Variants in ADAM28 observed in about 807,000 individuals in gnomAD.
ADAM28 encodes the protein disintegrin and metalloproteinase domain-containing protein 28.
In ADAM28, 105 loss-of-function variants were observed where a neutral mutation model predicts 101.2. The ratio of observed to expected loss-of-function variants is 1.04; its 90% CI spans 0.89 to 1.22. The LOEUF (loss-of-function observed/expected upper bound fraction) is 1.22, where lower values mean the gene tolerates loss of function less well. ADAM28 is among the 50% of genes most tolerant of loss of function. ADAM28 has a pLI of 0.00. For missense variants in ADAM28, 1,028 were observed against 945.4 expected (o/e 1.09, Z -1.15); for synonymous variants, 322 against 310.6 (o/e 1.04, Z -0.39).
chr8:24,355,643 G>A lies in ADAM28; in HGVS notation c.*1239G>A, dbSNP rs954416482. 7.8e-6 allele frequency: 1 copy of A among 128,532 alleles called. No individual in the cohort carries two copies. Among genetic ancestry groups the A allele is most frequent in the Non-Finnish European group, 1.6e-5 (1 of 60,802 alleles). The allele number at this position is 128,532 out of a possible 1,614,324, so 8.0% of individuals were successfully genotyped here. On this transcript the variant is annotated 3_prime_UTR_variant, in exon 23 of 23. Coordinates refer to ENST00000265769, the MANE Select transcript of ADAM28 (RefSeq NM_014265.6). ...AGCTGGTACTGCTGCGCTCCACACG[G>A]TGATTATGAAGGCTGAAAAAGATAG... is the stretch of plus-strand genomic sequence containing the variant.
At chr8:24,325,641 T>C (rs906625514) in intron 9 of ADAM28, among the ~76,000 whole-genome samples, 2 of 151,630 alleles carry the variant, frequency 1.3e-5, no homozygotes, top group African/African-American at 4.8e-5. Context: ...TCAAAATAAA[T>C]ATCTGAAATC....
chr8:24,298,302 C>G (rs1259275396), intron 1 of ADAM28, among the ~76,000 whole-genome samples: 1 of 152,078 alleles, frequency 6.6e-6, no homozygotes, highest in African/African-American at 2.4e-5. Flanking sequence ...TACTTTAACA[C>G]CCCATTTTTG....
chr8:24,341,892 G>C, intron 16 of ADAM28, 135 bp downstream of exon 16: 1 of 1,047,144 alleles, frequency 9.5e-7, no homozygotes, highest in Non-Finnish European at 1.4e-6. Flanking sequence ...AGAACCCACA[G>C]AGTTTGAATT....
At chr8:24,350,161 T>C (rs28591402) in intron 19 of ADAM28, among the ~76,000 whole-genome samples, 189 bp downstream of exon 19, 13,425 of 152,184 alleles carry the variant, frequency 0.088, 805 homozygotes, top group African/African-American at 0.15. Flanking sequence ...CATCTAGAAA[T>C]GTTTTTTGTT....
chr8:24,334,508 TAGAC>T (rs1813758677), intron 13 of ADAM28, among the ~76,000 whole-genome samples: 2 of 152,258 alleles, frequency 1.3e-5, no homozygotes, highest in Non-Finnish European at 2.9e-5. Context: ...AAAAAGATTT[TAGAC>T]AGAAGAGATT....
At chr8:24,312,782 G>A (rs1456277715) in intron 5 of ADAM28, among the ~76,000 whole-genome samples, 1 of 152,014 alleles carries the variant, frequency 6.6e-6, no homozygotes, top group African/African-American at 2.4e-5. Context: ...TGAATAATGG[G>A]TACTCAATGA....
chr8:24,317,070 G>T (rs1811249808), intron 6 of ADAM28, among the ~76,000 whole-genome samples: 2 of 151,828 alleles, frequency 1.3e-5, no homozygotes, highest in African/African-American at 4.8e-5. Context: ...GCAAATAAAT[G>T]AATATCCCAT....
intron 2 of ADAM28, among the ~76,000 whole-genome samples, chr8:24,306,059 TAA>T (rs1809564001): frequency 6.6e-6 from 1 of 151,980 alleles, no homozygotes; most frequent in Admixed American, 6.6e-5. Flanking sequence ...AGACAAACAG[TAA>T]AACTTTTTTG....
At chr8:24,294,671 G>GT (rs1437912511) in intron 1 of ADAM28, among the ~76,000 whole-genome samples, 1 of 152,044 alleles carries the variant, frequency 6.6e-6, no homozygotes, top group East Asian at 1.9e-4. Flanking sequence ...CTCATTATTA[G>GT]TAATAATACG....
intron 10 of ADAM28, 142 bp downstream of exon 10, chr8:24,326,777 C>G: frequency 2.8e-6 from 2 of 707,828 alleles, no homozygotes; most frequent in Non-Finnish European, 4.4e-6. Flanking sequence ...AAATGTTGAA[C>G]TAATTTTGCA....
chr8:24,307,448 T>C (rs1809848714), intron 2 of ADAM28, among the ~76,000 whole-genome samples: 1 of 152,206 alleles, frequency 6.6e-6, no homozygotes, highest in Admixed American at 6.5e-5. Flanking sequence ...TCAGCTAGAC[T>C]GAAATAATCC....
chr8:24,351,962 T>G (rs1274843802), intron 20 of ADAM28, 25 bp from the exon 21 acceptor site: 1 of 1,612,422 alleles, frequency 6.2e-7, no homozygotes. Context: ...ATGGTTCATT[T>G]TGAAATATTC....
intron 6 of ADAM28, 67 bp downstream of exon 6, chr8:24,313,647 G>A: frequency 3.4e-6 from 5 of 1,492,466 alleles, no homozygotes; most frequent in Non-Finnish European, 4.6e-6. Flanking sequence ...AATTAGCAGT[G>A]CAATTTACTG....
At chr8:24,315,665 C>T (rs1488390499) in intron 6 of ADAM28, among the ~76,000 whole-genome samples, 5 of 151,766 alleles carry the variant, frequency 3.3e-5, no homozygotes, top group Non-Finnish European at 5.9e-5. Flanking sequence ...GTTACAAGCC[C>T]AGCATTACCT....
At position 24,353,838 on chromosome 8, in the gene ADAM28, A is replaced by T. The variant is rs199739528; in HGVS notation, c.2307+6A>T. 13 of 1,498,594 alleles carry T rather than the reference A, an allele frequency of 8.7e-6. No homozygotes were observed. The highest frequency in any genetic ancestry group is 1.7e-4 in the Middle Eastern group (1 of 5,832). The allele number at this position is 1,498,594 out of a possible 1,614,324, so 92.8% of individuals were successfully genotyped here. On this transcript the variant is annotated splice_donor_region_variant and intron_variant, in intron 22 of 22. Coordinates refer to ENST00000265769, the MANE Select transcript of ADAM28 (RefSeq NM_014265.6). ...ATCCAGTGTCTACACCTAAGGTAAG[A>T]GATCTATAGCCAAATTATTATATTC...
intron 1 of ADAM28, among the ~76,000 whole-genome samples, chr8:24,295,247 AAT>A (rs1255973434): frequency 2.6e-5 from 4 of 152,128 alleles, no homozygotes; most frequent in Non-Finnish European, 4.4e-5. Context: ...TGCTTTATAT[AAT>A]ATGTACCTAT....
At chr8:24,329,855 GTGTGTGTGTGTGTT>G (rs1813104811) in intron 10 of ADAM28, 116 bp from the exon 11 acceptor site, 2 of 880,202 alleles carry the variant, frequency 2.3e-6, no homozygotes, top group African/African-American at 1.8e-5. Context: ...CTCTGTGTGT[GTGTGTGTGTGTGTT>G]TGTGTGTGTG....
intron 13 of ADAM28, among the ~76,000 whole-genome samples, chr8:24,334,262 A>G (rs890458220): frequency 3.3e-5 from 5 of 152,130 alleles, no homozygotes; most frequent in Admixed American, 6.5e-5. Context: ...GTCTCACTTG[A>G]TTTTCACAAT....
At chr8:24,319,087 C>A (rs565663115) in intron 6 of ADAM28, among the ~76,000 whole-genome samples, 1 of 152,092 alleles carries the variant, frequency 6.6e-6, no homozygotes, top group South Asian at 2.1e-4. Context: ...GTGACCTCCC[C>A]CATTATGTTA....
Sources: gnomAD v4.1 joint callset for allele counts (sites outside exome capture counted in the v4.1 genomes callset) on GRCh38, gnomAD v4.1.1 for gene constraint, MANE v1.5 for transcripts, NCBI Gene and HGNC (gene_info 2026-07-23, HGNC 2026-07-21) for gene names.